Variants in ATF7IP observed in about 807,000 individuals in gnomAD.
ATF7IP encodes the protein activating transcription factor 7-interacting protein 1.
Under a neutral mutation model 106.4 loss-of-function variants are expected in ATF7IP, and 23 were observed. The observed-to-expected ratio is 0.22, with a 90% confidence interval of 0.16 to 0.31. ATF7IP has a LOEUF of 0.31. ATF7IP is among the 10% of genes least tolerant of loss of function. The pLI is 1.00. For synonymous variants in ATF7IP, 542 were observed against 539.0 expected (o/e 1.01, Z -0.08); for missense variants, 1,334 against 1,524.3 (o/e 0.88, Z 2.08).
chr12:14,378,654 CT>C (rs1246213853), intron 1 of ATF7IP, among the ~76,000 whole-genome samples: 1 of 152,060 alleles, frequency 6.6e-6, no homozygotes, highest in South Asian at 2.1e-4. Context: ...GGTAATTCTT[CT>C]TTTTTTGATC....
chr12:14,450,785 T>A (rs895179324), intron 6 of ATF7IP, among the ~76,000 whole-genome samples: 6 of 152,166 alleles, frequency 3.9e-5, no homozygotes, highest in African/African-American at 1.2e-4. Flanking sequence ...ATTTTATTTT[T>A]AAAATTTATT....
At chr12:14,465,738 G>T (rs148841745) in intron 9 of ATF7IP, among the ~76,000 whole-genome samples, 1 of 152,032 alleles carries the variant, frequency 6.6e-6, no homozygotes. Flanking sequence ...TTAACTTCCT[G>T]TATTTTTTTA....
chr12:14,380,767 G>A (rs1271512966), intron 1 of ATF7IP, among the ~76,000 whole-genome samples: 1 of 152,122 alleles, frequency 6.6e-6, no homozygotes, highest in African/African-American at 2.4e-5. Context: ...TGACAGGTGT[G>A]TGCCACCACG....
intron 13 of ATF7IP, among the ~76,000 whole-genome samples, chr12:14,494,415 G>T (rs1306664587): frequency 7.5e-6 from 1 of 132,666 alleles, no homozygotes; most frequent in African/African-American, 2.8e-5. Flanking sequence ...AAACTAATAG[G>T]ATATATATAT....
At chr12:14,380,910 G>A (rs1246574729) in intron 1 of ATF7IP, among the ~76,000 whole-genome samples, 2 of 152,304 alleles carry the variant, frequency 1.3e-5, no homozygotes, top group East Asian at 3.9e-4. Flanking sequence ...ATGAGCCACC[G>A]TGCCCGGCCA....
In ATF7IP at chr12:14,425,299, G is replaced by A; in HGVS notation, c.1384G>A (p.Glu462Lys). The A allele has an allele frequency of 6.2e-7, 1 of 1,606,888 alleles. No homozygotes were observed. The highest frequency in any genetic ancestry group is 1.1e-5 in the South Asian group (1 of 89,200). ...FSKTSLLPIDETNPDLEEKME... is the reference protein window; with the variant it reads ...FSKTSLLPIDKTNPDLEEKME... ...TAAAACATCTCTCCTTCCAATCGAT[G>A]AGACAAATCCAGATTTGGAAGAGAA... The change falls in exon 2 of 15, where the codon GAG becomes AAG. Residue 462 changes from glutamate (E) to lysine (K), a missense_variant. Physicochemically the swap from Glu to Lys is moderately conservative, Grantham distance 56. This residue lies in a region of ATF7IP where 41 missense variants were observed against 60.4 expected (regional missense o/e 0.68). Transcript: ENST00000261168.
Position 14,499,308 on chromosome 12 carries a change from T to C in ATF7IP, c.*1235T>C, listed in dbSNP as rs1294012252. 2 of 152,366 alleles carry C rather than the reference T, an allele frequency of 1.3e-5. No homozygotes were observed. The highest frequency in any genetic ancestry group is 2.9e-5 in the Non-Finnish European group (2 of 68,018). The allele number at this position is 152,366 out of a possible 1,614,324, so 9.4% of individuals were successfully genotyped here. A position where few individuals can be genotyped will look rare whatever the true frequency, so the allele number is the denominator to read the frequency against. ...TATTTTCTTCTAAAACTATAGATGC[T>C]TTTATTTTTGGTCACTATTTAACTT... On this transcript the variant is annotated 3_prime_UTR_variant, in exon 15 of 15. Coordinates refer to ENST00000261168, the MANE Select transcript of ATF7IP (RefSeq NM_018179.5).
chr12:14,493,491 A>G (rs897710368), intron 13 of ATF7IP, among the ~76,000 whole-genome samples: 1 of 152,166 alleles, frequency 6.6e-6, no homozygotes, highest in African/African-American at 2.4e-5. Flanking sequence ...CTCACATATC[A>G]CAGGCTTTAT....
Position 14,496,402 on chromosome 12 carries a change from G to T in ATF7IP, c.3393+59G>T, listed in dbSNP as rs979403436. On this transcript the variant is annotated intron_variant, in intron 14 of 14. Transcript: ENST00000261168. ...AACTGTAGAGGTATAAAATATTATT[G>T]TATTTGGCATTTTTCTTTAAAATGG... 1.1e-5 allele frequency: 13 copies of T among 1,143,268 alleles called. No individual in the cohort carries two copies. In the African/African-American group the frequency reaches 2.0e-4, roughly 18 times the overall value. 70.8% of individuals were successfully genotyped at this position (1,143,268 alleles called of 1,614,324 possible). A position where few individuals can be genotyped will look rare whatever the true frequency, so the allele number is the denominator to read the frequency against.
At chr12:14,409,720 A>G (rs1215986637) in intron 1 of ATF7IP, among the ~76,000 whole-genome samples, 2 of 152,086 alleles carry the variant, frequency 1.3e-5, no homozygotes, top group Admixed American at 6.6e-5. Flanking sequence ...TTTTACACAT[A>G]CTGCCTTTCA....
At chr12:14,413,945 A>G (rs1286522109) in intron 1 of ATF7IP, among the ~76,000 whole-genome samples, 3 of 152,194 alleles carry the variant, frequency 2.0e-5, no homozygotes, top group African/African-American at 7.2e-5. Flanking sequence ...ATAAAAAATT[A>G]TATGTGTCAG....
intron 1 of ATF7IP, among the ~76,000 whole-genome samples, chr12:14,405,251 G>A (rs1940496922): frequency 6.6e-6 from 1 of 151,980 alleles, no homozygotes; most frequent in South Asian, 2.1e-4. Context: ...GAATTGGCTG[G>A]AAAATTTGTG....
intron 1 of ATF7IP, among the ~76,000 whole-genome samples, chr12:14,422,808 A>G (rs1326679236): frequency 1.3e-5 from 2 of 152,148 alleles, no homozygotes; most frequent in African/African-American, 4.8e-5. Flanking sequence ...GTTATGGAAC[A>G]TTTAGGTTGT....
chr12:14,441,487 CTTTT>C (rs36088397), intron 5 of ATF7IP, among the ~76,000 whole-genome samples: 1 of 105,274 alleles, frequency 9.5e-6, no homozygotes, highest in Admixed American at 9.6e-5. Context: ...ATACCAAAGT[CTTTT>C]TTTTTTTTTT....
At chr12:14,483,704 T>C (rs550129926) in intron 13 of ATF7IP, among the ~76,000 whole-genome samples, 2 of 152,182 alleles carry the variant, frequency 1.3e-5, no homozygotes, top group Admixed American at 1.3e-4. Flanking sequence ...GGATGCTGAT[T>C]CAGAGCATAC....
At chr12:14,465,384 A>T (rs1263353438) in intron 9 of ATF7IP, among the ~76,000 whole-genome samples, 1 of 152,006 alleles carries the variant, frequency 6.6e-6, no homozygotes, top group African/African-American at 2.4e-5. Flanking sequence ...TTTGGTAGTA[A>T]TCACTGATAT....
At chr12:14,419,760 G>C (rs1433462051) in intron 1 of ATF7IP, among the ~76,000 whole-genome samples, 4 of 151,920 alleles carry the variant, frequency 2.6e-5, no homozygotes, top group Middle Eastern at 3.2e-3. Flanking sequence ...TACAAATTTT[G>C]TATAATTTTG....
intron 3 of ATF7IP, among the ~76,000 whole-genome samples, chr12:14,435,205 T>G (rs1294338993): frequency 6.6e-6 from 1 of 152,022 alleles, no homozygotes; most frequent in Non-Finnish European, 1.5e-5. Context: ...AAGGAAATGA[T>G]GGACTGAGTG....
intron 5 of ATF7IP, among the ~76,000 whole-genome samples, chr12:14,440,137 A>G (rs1305336621): frequency 1.3e-5 from 2 of 152,140 alleles, no homozygotes; most frequent in Non-Finnish European, 2.9e-5. Context: ...ATCCCTCTCA[A>G]TCATTTCATA....
Sources: gnomAD v4.1 joint callset for allele counts (sites outside exome capture counted in the v4.1 genomes callset) on GRCh38, gnomAD v4.1.1 for gene constraint, gnomAD v4.1.1 regional missense constraint, MANE v1.5 for transcripts, NCBI Gene and HGNC (gene_info 2026-07-23, HGNC 2026-07-21) for gene names.